Variants in DIP2A observed in about 807,000 individuals in gnomAD.
DIP2A encodes disco-interacting protein 2 homolog A.
A neutral mutation model predicts 177.4 loss-of-function variants in DIP2A; 85 were observed. The observed-to-expected ratio is 0.48, with a 90% confidence interval of 0.40 to 0.57. The LOEUF (loss-of-function observed/expected upper bound fraction) is 0.57. DIP2A is among the 20% of genes least tolerant of loss of function. DIP2A has a pLI of 0.00. For missense variants in DIP2A, 1,791 were observed against 2,100.2 expected, an observed-to-expected ratio of 0.85 and a Z score of 2.88; for synonymous variants, 886 against 881.8, an observed-to-expected ratio of 1.00 and a Z score of -0.08.
At chr21:46,517,052 C>T (rs1177406067) in intron 8 of DIP2A, among the ~76,000 whole-genome samples, 2 of 126,166 alleles carry the variant, frequency 1.6e-5, no homozygotes, top group African/African-American at 5.8e-5. Flanking sequence ...TGTTTTCTCT[C>T]TCTTTTTTTT....
At position 46,474,426 on chromosome 21, in the gene DIP2A, C is replaced by CT. The variant is rs148245640; in HGVS notation, c.92-10330dup. 7.2e-3 allele frequency among the ~76,000 whole-genome samples: 1,100 copies of CT among 152,278 alleles called. 23 individuals carry two copies. Among genetic ancestry groups the CT allele is most frequent in the African/African-American group, 0.025 (1,057 of 41,540 alleles). The stretch of plus-strand genomic sequence containing the variant: ...TGCAAAGAGAGCCTAGGAAAAAACT[C>CT]TGAGGAACCCAAATCCATACGGGAA... On this transcript the variant is annotated intron_variant, in intron 1 of 37. Transcript: ENST00000417564.
intron 6 of DIP2A, among the ~76,000 whole-genome samples, chr21:46,507,201 G>A (rs76720668): frequency 0.058 from 8,789 of 152,176 alleles, 334 homozygotes; most frequent in Non-Finnish European, 0.082. Context: ...CTTTCAAAGA[G>A]CAGATGGTTT....
At chr21:46,583,197 A>G in the DIP2A span, among the ~76,000 whole-genome samples, 16 of 152,346 alleles carry the variant, frequency 1.1e-4, no homozygotes, top group African/African-American at 3.8e-4. Flanking sequence ...AAAGCTAACA[A>G]TTACAAATAT....
intron 1 of DIP2A, among the ~76,000 whole-genome samples, chr21:46,472,787 C>T (rs1269665963): frequency 6.6e-6 from 1 of 152,132 alleles, no homozygotes; most frequent in Non-Finnish European, 1.5e-5. Context: ...ACTCAAATTC[C>T]TCCCTGTAGC....
At chr21:46,511,790 T>A (rs2058326116) in intron 8 of DIP2A, among the ~76,000 whole-genome samples, 176 bp downstream of exon 8, 2 of 152,194 alleles carry the variant, frequency 1.3e-5, no homozygotes, top group Non-Finnish European at 2.9e-5. Flanking sequence ...CACTCACTGA[T>A]GCATGGTGAC....
intron 7 of DIP2A, 126 bp downstream of exon 7, chr21:46,509,502 G>A: frequency 1.7e-6 from 2 of 1,171,916 alleles, no homozygotes; most frequent in Non-Finnish European, 1.1e-6. Flanking sequence ...AGACTCAGTG[G>A]TCACTGGGTG....
In DIP2A at chr21:46,556,042, C is replaced by A; in HGVS notation, c.3449C>A (p.Ala1150Glu). 1 of 1,613,994 alleles carries A rather than the reference C, an allele frequency of 6.2e-7. No individual in the cohort carries two copies. Among genetic ancestry groups the A allele is most frequent in the Non-Finnish European group, 8.5e-7 (1 of 1,179,890 alleles). Residue 1150 changes from alanine to glutamate, a missense_variant, in exon 29 of 38, where the codon GCA (alanine) becomes GAA (glutamate). Ala to Glu is a moderately radical substitution (Grantham distance 107). Coordinates refer to ENST00000417564, the MANE Select transcript of DIP2A (RefSeq NM_015151.4). This position sits in a 1 kb window ranked among gnomAD's most constrained non-coding sequence, Gnocchi z 4.5. ...AGGCCCCCCTCCCCCGATGTCCTCGCATACTTGGACTTCAGCGTGTCAACC... is the reference window on the plus strand; with the variant it reads ...AGGCCCCCCTCCCCCGATGTCCTCGAATACTTGGACTTCAGCGTGTCAACC... ...VFRPPSPDVLAYLDFSVSTTG... is the reference protein window; with the variant it reads ...VFRPPSPDVLEYLDFSVSTTG...
chr21:46,574,380 CAAG>C (rs1308124681), downstream of DIP2A, among the ~76,000 whole-genome samples: 1 of 151,910 alleles, frequency 6.6e-6, no homozygotes, highest in Non-Finnish European at 1.5e-5. Context: ...CATTAAAAAC[CAAG>C]AAGGACCTCA....
chr21:46,492,147 CT>C (rs1018186518), intron 3 of DIP2A, among the ~76,000 whole-genome samples: 3 of 151,150 alleles, frequency 2.0e-5, no homozygotes, highest in Admixed American at 6.6e-5. Flanking sequence ...AGTTTGTGAT[CT>C]TTTTTTTTAG....
At chr21:46,468,438 T>G (rs1386778063) in intron 1 of DIP2A, among the ~76,000 whole-genome samples, 6 of 145,996 alleles carry the variant, frequency 4.1e-5, no homozygotes, top group Non-Finnish European at 7.5e-5. Context: ...AGAGAGAAAA[T>G]CGGCGCCAGA....
At chr21:46,539,551 A>C in intron 16 of DIP2A, 1 of 377,374 alleles carries the variant, frequency 2.6e-6, no homozygotes, top group South Asian at 2.1e-5. Context: ...GCCTCTTCCC[A>C]TGGCACTCCC....
chr21:46,495,314 G>T (rs527400367), intron 3 of DIP2A, among the ~76,000 whole-genome samples: 1 of 139,958 alleles, frequency 7.1e-6, no homozygotes, highest in East Asian at 2.4e-4. Context: ...TCTTTCCCAG[G>T]CTGGAGTGCA....
At chr21:46,474,773 A>G (rs1032369843) in intron 1 of DIP2A, among the ~76,000 whole-genome samples, 1 of 151,996 alleles carries the variant, frequency 6.6e-6, no homozygotes, top group Non-Finnish European at 1.5e-5. Context: ...GCGCACCCCC[A>G]CATCCTGCTA....
At chr21:46,554,786 G>GGGGGGGGGCGC in intron 27 of DIP2A, 36 bp from the exon 28 acceptor site, 1 of 1,519,126 alleles carries the variant, frequency 6.6e-7, no homozygotes, top group Non-Finnish European at 8.8e-7. Context: ...AGCTTGAGAG[G>GGGGGGGGGCGC]CCCCGCCCAC....
At chr21:46,499,443 A>G (rs1166936402) in intron 5 of DIP2A, among the ~76,000 whole-genome samples, 5 of 152,042 alleles carry the variant, frequency 3.3e-5, no homozygotes, top group African/African-American at 9.7e-5. Flanking sequence ...CCTCTTGGCT[A>G]TGTGTTCACA....
chr21:46,532,957 A>G (rs796494414), intron 10 of DIP2A, among the ~76,000 whole-genome samples: 3 of 152,222 alleles, frequency 2.0e-5, no homozygotes, highest in Admixed American at 2.0e-4. Flanking sequence ...AAAATTTGCA[A>G]ATCAAACTAG....
Position 46,563,717 on chromosome 21 carries a change from C to T in DIP2A, c.4090-141C>T, listed in dbSNP as rs1601862155. ...TCAAAATTCAAAGTCAAATTTGGAG[C>T]GGCCTCTAAACTTCCTGACCTGACA... On this transcript the variant is annotated intron_variant, in intron 34 of 37. Coordinates refer to ENST00000417564, the MANE Select transcript of DIP2A (RefSeq NM_015151.4). The surrounding 1 kb of genome is among the most constrained non-coding windows in gnomAD (Gnocchi z 4.3). The T allele has an allele frequency of 1.9e-5, 26 of 1,364,352 alleles. No individual in the cohort carries two copies. The East Asian group carries it at 4.4e-4, about 23-fold the overall frequency. 84.5% of individuals were successfully genotyped at this position (1,364,352 alleles called of 1,614,324 possible).
At chr21:46,508,434 C>G (rs973269878) in intron 6 of DIP2A, among the ~76,000 whole-genome samples, 5 of 148,260 alleles carry the variant, frequency 3.4e-5, no homozygotes, top group African/African-American at 1.2e-4. Context: ...TCTCGGCTCA[C>G]TGCAAGCTCC....
In DIP2A at chr21:46,567,629, C is replaced by T; in HGVS notation, c.*7C>T. The T allele has an allele frequency of 6.4e-7, 1 of 1,572,060 alleles. No homozygotes were observed. The highest frequency in any genetic ancestry group is 2.2e-5 in the East Asian group (1 of 44,490). On this transcript the variant is annotated 3_prime_UTR_variant, in exon 38 of 38. Transcript: ENST00000417564. Reference sequence around the variant, plus strand: ...TGTCGCCTACAACATGTGAGCGCAGCACACCGGCCCAGGTGCCGGAGATGA... The same window carrying T: ...TGTCGCCTACAACATGTGAGCGCAGTACACCGGCCCAGGTGCCGGAGATGA...
Sources: gnomAD v4.1 joint callset for allele counts (sites outside exome capture counted in the v4.1 genomes callset) on GRCh38, gnomAD v4.1.1 for gene constraint, Gnocchi (gnomAD v3.1) non-coding constraint, MANE v1.5 for transcripts, NCBI Gene and HGNC (gene_info 2026-07-23, HGNC 2026-07-21) for gene names.